Variants in MIPOL1 observed in about 807,000 individuals in gnomAD.
MIPOL1 encodes the protein mirror-image polydactyly gene 1 protein.
Under a neutral mutation model 60.9 loss-of-function variants are expected in MIPOL1, and 57 were observed. The observed-to-expected ratio is 0.94, with a 90% CI of 0.76 to 1.17. The LOEUF is 1.17. MIPOL1 is among the 50% of genes most tolerant of loss of function. The probability of loss-of-function intolerance (pLI) is 0.00; values close to 1 mark genes in which losing one functional copy is unlikely to be tolerated. For synonymous variants in MIPOL1, 179 were observed against 168.8 expected (o/e 1.06, Z -0.47); for missense variants, 551 against 511.6 (o/e 1.08, Z -0.74).
chr14:37,458,809 G>A (rs1007958108), intron 11 of MIPOL1, among the ~76,000 whole-genome samples: 1 of 151,904 alleles, frequency 6.6e-6, no homozygotes, highest in Non-Finnish European at 1.5e-5. Context: ...CCGAGATTGT[G>A]CCGCTGCACT....
chr14:37,487,079 T>C (rs1409326848), intron 11 of MIPOL1, among the ~76,000 whole-genome samples: 1 of 152,198 alleles, frequency 6.6e-6, no homozygotes, highest in Non-Finnish European at 1.5e-5. Flanking sequence ...CTTTTCTGCA[T>C]CTAATGAGAT....
chr14:37,442,680 T>A (rs965249208), intron 11 of MIPOL1, among the ~76,000 whole-genome samples: 1 of 151,292 alleles, frequency 6.6e-6, no homozygotes, highest in Admixed American at 6.6e-5. Context: ...ATAAAAAATT[T>A]AAAAAATTGT....
At chr14:37,341,735 CAT>C in intron 9 of MIPOL1, among the ~76,000 whole-genome samples, 1 of 152,294 alleles carries the variant, frequency 6.6e-6, no homozygotes, top group East Asian at 1.9e-4. Context: ...CGTGAGCCAA[CAT>C]CTCTAGCCCA....
chr14:37,399,603 G>A (rs541635194), intron 10 of MIPOL1, among the ~76,000 whole-genome samples: 10 of 152,192 alleles, frequency 6.6e-5, no homozygotes, highest in African/African-American at 2.4e-4. Flanking sequence ...AAGCACAATA[G>A]TTAATCCACA....
chr14:37,520,427 A>G (rs1246467455), intron 12 of MIPOL1, among the ~76,000 whole-genome samples: 13 of 152,204 alleles, frequency 8.5e-5, no homozygotes, highest in African/African-American at 3.1e-4. Context: ...GAGTAGCTTA[A>G]TAAGCCATCT....
intron 5 of MIPOL1, among the ~76,000 whole-genome samples, chr14:37,269,075 T>G (rs541626681): frequency 1.8e-4 from 28 of 152,248 alleles, no homozygotes; most frequent in African/African-American, 6.5e-4. Flanking sequence ...GATTCAAGTT[T>G]TAGTAAAACT....
At chr14:37,512,823 T>C (rs970253928) in intron 12 of MIPOL1, among the ~76,000 whole-genome samples, 2 of 152,166 alleles carry the variant, frequency 1.3e-5, no homozygotes, top group African/African-American at 2.4e-5. Flanking sequence ...TTTTATATAA[T>C]GTTGAAAGTT....
At chr14:37,542,286 T>G (rs1338289240) in intron 12 of MIPOL1, among the ~76,000 whole-genome samples, 2 of 152,230 alleles carry the variant, frequency 1.3e-5, no homozygotes, top group Non-Finnish European at 2.9e-5. Context: ...AATTTATTTT[T>G]AGAATTTCTT....
intron 9 of MIPOL1, among the ~76,000 whole-genome samples, chr14:37,323,408 G>C (rs1015307202): frequency 6.6e-6 from 1 of 151,942 alleles, no homozygotes; most frequent in East Asian, 1.9e-4. Flanking sequence ...GTCAGTTAGC[G>C]TGATGCCTCC....
Position 37,268,703 on chromosome 14 carries a change from TC to T in MIPOL1, c.299del (p.Pro100LeufsTer14), listed in dbSNP as rs780032328. On this transcript the variant is annotated frameshift_variant, in exon 5 of 13. Transcript: ENST00000684589. LOFTEE classifies it high-confidence loss of function. ...ATGATATGCATTATGAATGTATGACTCCTTGTCAAGTTACTTCAGACTCAGA... is the reference window on the plus strand; with the variant it reads ...ATGATATGCATTATGAATGTATGACTCTTGTCAAGTTACTTCAGACTCAGA... ...HNDMHYECMT[P>X]CQVTSDSDKE... 6.2e-7 allele frequency: 1 copy of T among 1,603,458 alleles called. No homozygotes were observed. The highest frequency in any genetic ancestry group is 8.5e-7 in the Non-Finnish European group (1 of 1,173,296).
chr14:37,518,185 A>G (rs1320619786), intron 12 of MIPOL1, among the ~76,000 whole-genome samples: 1 of 152,172 alleles, frequency 6.6e-6, no homozygotes, highest in African/African-American at 2.4e-5. Flanking sequence ...CCCTACTGGT[A>G]TTAATATTTT....
At chr14:37,284,203 C>G (rs2084360156) in intron 6 of MIPOL1, among the ~76,000 whole-genome samples, 1 of 152,144 alleles carries the variant, frequency 6.6e-6, no homozygotes, top group Non-Finnish European at 1.5e-5. Context: ...ATGTGCACTA[C>G]TATAACAGCA....
chr14:37,399,300 T>C (rs2093437120), intron 10 of MIPOL1, among the ~76,000 whole-genome samples: 1 of 152,188 alleles, frequency 6.6e-6, no homozygotes, highest in Admixed American at 6.5e-5. Context: ...ATCCTCTGAC[T>C]GATTAAAAAT....
chr14:37,427,204 G>A (rs1440888070), intron 11 of MIPOL1, among the ~76,000 whole-genome samples: 1 of 152,202 alleles, frequency 6.6e-6, no homozygotes, highest in African/African-American at 2.4e-5. Context: ...GGTATATACA[G>A]AGAATGGAAC....
intron 7 of MIPOL1, among the ~76,000 whole-genome samples, chr14:37,296,041 C>G (rs1594968186): frequency 6.6e-6 from 1 of 152,168 alleles, no homozygotes; most frequent in East Asian, 1.9e-4. Context: ...CAAAATAGAC[C>G]ACATAGTTGG....
intron 12 of MIPOL1, among the ~76,000 whole-genome samples, chr14:37,545,393 A>G (rs1433103109): frequency 6.6e-6 from 1 of 152,232 alleles, no homozygotes; most frequent in Non-Finnish European, 1.5e-5. Context: ...AGTTAGCACT[A>G]GTTTTTAACC....
intron 7 of MIPOL1, among the ~76,000 whole-genome samples, chr14:37,288,911 G>A (rs777953884): frequency 6.6e-6 from 1 of 152,098 alleles, no homozygotes; most frequent in African/African-American, 2.4e-5. Context: ...GCATTCCTCA[G>A]ATAAAAGTTC....
chr14:37,405,764 T>C (rs963644531), intron 10 of MIPOL1, among the ~76,000 whole-genome samples: 1 of 152,016 alleles, frequency 6.6e-6, no homozygotes, highest in Non-Finnish European at 1.5e-5. Context: ...TTATAAATCT[T>C]AATGTGTTTC....
At chr14:37,230,931 A>G (rs1970528215) in intron 1 of MIPOL1, among the ~76,000 whole-genome samples, 1 of 152,100 alleles carries the variant, frequency 6.6e-6, no homozygotes, top group South Asian at 2.1e-4. Flanking sequence ...GCAAAATATA[A>G]TTTTATTCCA....
Sources: gnomAD v4.1 joint callset for allele counts (sites outside exome capture counted in the v4.1 genomes callset) on GRCh38, gnomAD v4.1.1 for gene constraint, MANE v1.5 for transcripts, NCBI Gene and HGNC (gene_info 2026-07-23, HGNC 2026-07-21) for gene names.